NBAS: variants seen among roughly 807,000 people sequenced by gnomAD.
NBAS encodes the protein NBAS subunit of NRZ tethering complex, also known as NAG/BC035112 fusion.
In NBAS, 219 loss-of-function variants were observed where a neutral mutation model predicts 302.5. The ratio of observed to expected loss-of-function variants is 0.72; its 90% CI spans 0.65 to 0.81. The LOEUF (loss-of-function observed/expected upper bound fraction) is 0.81. Among genes scored for constraint, NBAS ranks in the 30% least tolerant of loss-of-function variants. NBAS has a pLI of 0.00. For missense variants in NBAS, 2,932 were observed against 2,841.6 expected (o/e 1.03, Z -0.72); for synonymous variants, 1,118 against 1,021.6 (o/e 1.09, Z -1.80).
chr2:15,326,947 T>G (rs149186221), intron 38 of NBAS, among the ~76,000 whole-genome samples: 1,643 of 152,264 alleles, frequency 0.011, 13 homozygotes, highest in Admixed American at 0.015. Flanking sequence ...AGCAGTTCTA[T>G]TCCCTGTATG....
At chr2:15,165,793 G>C (rs1001151268), downstream of NBAS, among the ~76,000 whole-genome samples, 3 of 152,124 alleles carry the variant, frequency 2.0e-5, no homozygotes, top group African/African-American at 7.2e-5. Flanking sequence ...ATTGATCCAA[G>C]GTAGCCTTTT....
At chr2:14,888,725 T>A in the NBAS span, among the ~76,000 whole-genome samples, 151 of 152,348 alleles carry the variant, frequency 9.9e-4, 1 homozygote, top group Non-Finnish European at 1.1e-3. Flanking sequence ...ATAACCCTGC[T>A]TCCATTCACT....
the NBAS span, among the ~76,000 whole-genome samples, chr2:14,980,015 T>C: frequency 1.3e-5 from 2 of 152,126 alleles, no homozygotes; most frequent in African/African-American, 2.4e-5. Context: ...TCAAACTGAA[T>C]AGAAGACATC....
the NBAS span, among the ~76,000 whole-genome samples, chr2:14,825,899 A>C: frequency 6.6e-6 from 1 of 152,202 alleles, no homozygotes; most frequent in Non-Finnish European, 1.5e-5. Flanking sequence ...CAGGTGGAAA[A>C]AGCAGTTTGC....
chr2:15,160,585 C>G, the NBAS span, among the ~76,000 whole-genome samples: 11 of 92,272 alleles, frequency 1.2e-4, no homozygotes, highest in African/African-American at 1.9e-4. Flanking sequence ...CCAGTGTGGG[C>G]GGGGGGAGGG....
chr2:15,507,405 A>AAGCAGC (rs35060629), intron 10 of NBAS, among the ~76,000 whole-genome samples: 21 of 151,522 alleles, frequency 1.4e-4, no homozygotes, highest in African/African-American at 4.1e-4. Flanking sequence ...TATATTGAAA[A>AAGCAGC]AGCAGCAGCA....
chr2:14,959,308 G>T, the NBAS span, among the ~76,000 whole-genome samples: 1 of 152,178 alleles, frequency 6.6e-6, no homozygotes, highest in Non-Finnish European at 1.5e-5. Flanking sequence ...TACAACAGAA[G>T]AATCATCGTA....
chr2:15,140,825 T>C, the NBAS span, among the ~76,000 whole-genome samples: 1 of 152,194 alleles, frequency 6.6e-6, no homozygotes, highest in Non-Finnish European at 1.5e-5. Flanking sequence ...ATTATACTTG[T>C]ACTAAATAGG....
intron 16 of NBAS, 49 bp from the exon 17 acceptor site, chr2:15,468,582 A>C: frequency 1.3e-6 from 2 of 1,573,784 alleles, no homozygotes; most frequent in African/African-American, 1.4e-5. Context: ...ATGACATCTT[A>C]CAACACATTA....
intron 47 of NBAS, among the ~76,000 whole-genome samples, chr2:15,223,036 A>T (rs1326591651): frequency 1.3e-5 from 2 of 152,238 alleles, no homozygotes; most frequent in African/African-American, 2.4e-5. Flanking sequence ...TTCTGGAAGC[A>T]CCGAGTCATA....
the NBAS span, among the ~76,000 whole-genome samples, chr2:15,001,877 T>C: frequency 1.3e-5 from 2 of 152,086 alleles, no homozygotes; most frequent in Non-Finnish European, 2.9e-5. Flanking sequence ...GTAGCAAGAT[T>C]TATTGCAAAG....
chr2:14,898,048 T>C, the NBAS span, among the ~76,000 whole-genome samples: 19 of 152,194 alleles, frequency 1.2e-4, no homozygotes, highest in Non-Finnish European at 1.5e-5. Context: ...GTTCCAGGTT[T>C]AGAATCAGAA....
chr2:14,850,548 G>A, the NBAS span, among the ~76,000 whole-genome samples: 1 of 86,274 alleles, frequency 1.2e-5, no homozygotes, highest in Non-Finnish European at 2.0e-5. Context: ...AGGATACCCA[G>A]GAATTGAACT....
the NBAS span, among the ~76,000 whole-genome samples, chr2:15,105,504 G>C: frequency 6.6e-6 from 1 of 151,482 alleles, no homozygotes; most frequent in Non-Finnish European, 1.5e-5. Context: ...TGTTGATTCT[G>C]TCATCCAGTG....
rs1572630347 is a variant in NBAS at position 15,308,435 on chromosome 2, CT to C, written c.4660-83del. The C allele has an allele frequency of 2.6e-6, 4 of 1,534,258 alleles. No homozygotes were observed. In the East Asian group the frequency reaches 9.7e-5, roughly 37 times the overall value. On this transcript the variant is annotated intron_variant, in intron 39 of 51. Transcript: ENST00000281513. ...TAAACCATTATATTTCTAGTCATTCCTGCAGATTTTTTGTACAAAGTTCCCA... is the reference window on the plus strand; with the variant it reads ...TAAACCATTATATTTCTAGTCATTCCGCAGATTTTTTGTACAAAGTTCCCA...
the NBAS span, among the ~76,000 whole-genome samples, chr2:15,087,223 AACAC>A: frequency 0.021 from 3,028 of 142,794 alleles, 59 homozygotes; most frequent in African/African-American, 0.062. Flanking sequence ...TTTTTATACA[AACAC>A]ACACACACAC....
chr2:15,136,786 G>A, the NBAS span, among the ~76,000 whole-genome samples: 13 of 152,144 alleles, frequency 8.5e-5, no homozygotes, highest in Non-Finnish European at 1.6e-4. Flanking sequence ...GTTCCCCCAT[G>A]CTCTTCTCTT....
the NBAS span, among the ~76,000 whole-genome samples, chr2:15,134,707 C>T: frequency 6.6e-6 from 1 of 152,194 alleles, no homozygotes; most frequent in Non-Finnish European, 1.5e-5. Flanking sequence ...CATTCAAGGT[C>T]TCCCTTGATT....
chr2:14,986,889 G>GA, the NBAS span, among the ~76,000 whole-genome samples: 2 of 151,958 alleles, frequency 1.3e-5, no homozygotes, highest in African/African-American at 4.8e-5. Flanking sequence ...AATTCCATAG[G>GA]AAAAAATGTA....
Sources: gnomAD v4.1 joint callset for allele counts (sites outside exome capture counted in the v4.1 genomes callset) on GRCh38, gnomAD v4.1.1 for gene constraint, MANE v1.5 for transcripts, NCBI Gene and HGNC (gene_info 2026-07-23, HGNC 2026-07-21) for gene names.